HIBCH: variants seen among roughly 807,000 people sequenced by gnomAD.
HIBCH encodes 3-hydroxyisobutyryl-CoA hydrolase, mitochondrial.
A neutral mutation model predicts 58.2 loss-of-function variants in HIBCH; 50 were observed. The ratio of observed to expected loss-of-function variants is 0.86; its 90% confidence interval spans 0.68 to 1.09. The LOEUF (loss-of-function observed/expected upper bound fraction) is 1.09, where lower values mean the gene tolerates loss of function less well. Among genes scored for constraint, HIBCH ranks in the 50% least tolerant of loss-of-function variants. The pLI is 0.00. For synonymous variants in HIBCH, 151 were observed against 146.9 expected (o/e 1.03, Z -0.20); for missense variants, 450 against 449.7 (o/e 1.00, Z -0.01).
At position 190,262,161 on chromosome 2, in the gene HIBCH, G is replaced by GTCAA. The variant is rs555160781; in HGVS notation, c.439-928_439-927insTTGA. On this transcript the variant is annotated intron_variant, in intron 6 of 13. Coordinates refer to ENST00000359678, the MANE Select transcript of HIBCH (RefSeq NM_014362.4). The stretch of plus-strand genomic sequence containing the variant: ...AAAAGCTGGTTTTATATGCGGTAGA[G>GTCAA]ACAAAAAAAAAAAAAAGAAAAGAAA... 5.0e-3 allele frequency among the ~76,000 whole-genome samples: 503 copies of GTCAA among 99,930 alleles called. 2 individuals are homozygous for GTCAA. Among genetic ancestry groups the GTCAA allele is most frequent in the Admixed American group, 0.011 (109 of 10,248 alleles). 65.6% of individuals were successfully genotyped at this position (99,930 alleles called of 152,430 possible). A position where few individuals can be genotyped will look rare whatever the true frequency, so the allele number is the denominator to read the frequency against.
At chr2:190,196,426 C>T (rs957380821) in intron 1 of HIBCH, among the ~76,000 whole-genome samples, 4 of 150,776 alleles carry the variant, frequency 2.7e-5, no homozygotes, top group African/African-American at 7.3e-5. Flanking sequence ...CTCTGAGATT[C>T]TTTTTTTGTT....
downstream of HIBCH, chr2:190,201,180 T>C (rs1690229213): frequency 6.0e-6 from 1 of 167,038 alleles, no homozygotes; most frequent in South Asian, 2.1e-4. Flanking sequence ...ATAGGGCATT[T>C]ATAGCCACCT....
At position 190,211,830 on chromosome 2, in the gene HIBCH, C is replaced by G. The variant is rs1690517516; in HGVS notation, c.1011+1126G>C. Among the ~76,000 whole-genome samples, 1 of 152,196 alleles carries G rather than the reference C, an allele frequency of 6.6e-6. No individual in the cohort carries two copies. The highest frequency in any genetic ancestry group is 6.5e-5 in the Admixed American group (1 of 15,276). On this transcript the variant is annotated intron_variant, in intron 12 of 13. Coordinates refer to ENST00000359678, the MANE Select transcript of HIBCH (RefSeq NM_014362.4). The surrounding 1 kb of genome is among the most constrained non-coding windows in gnomAD (Gnocchi z 5.0). ...CTTATTCAACAATATAAGGCTAACA[C>G]TGAGCACAGTGCCTGGGACATAGCT...
chr2:190,240,785 G>A (rs149836304), intron 11 of HIBCH, among the ~76,000 whole-genome samples: 3,802 of 152,210 alleles, frequency 0.025, 73 homozygotes, highest in Non-Finnish European at 0.04. Context: ...TGTATTGTGC[G>A]GTTTTGAGTG....
intron 11 of HIBCH, among the ~76,000 whole-genome samples, chr2:190,219,467 C>T (rs1425035234): frequency 1.3e-5 from 2 of 152,166 alleles, no homozygotes; most frequent in Non-Finnish European, 2.9e-5. Flanking sequence ...GTTTCTCTCA[C>T]CCGAACCAAA....
At chr2:190,191,225 T>C (rs1395816474) in intron 1 of HIBCH, among the ~76,000 whole-genome samples, 3 of 152,084 alleles carry the variant, frequency 2.0e-5, no homozygotes, top group Non-Finnish European at 4.4e-5. Flanking sequence ...GCAACCTCTG[T>C]TCTGCCTCCT....
chr2:190,235,184 G>A (rs1423401513), intron 11 of HIBCH, among the ~76,000 whole-genome samples: 1 of 152,284 alleles, frequency 6.6e-6, no homozygotes, highest in Admixed American at 6.5e-5. Context: ...GTATTTATTG[G>A]GTAACAAGAG....
intron 7 of HIBCH, 110 bp downstream of exon 7, chr2:190,261,046 G>T: frequency 1.3e-6 from 1 of 793,420 alleles, no homozygotes; most frequent in Non-Finnish European, 2.2e-6. Context: ...TCCTTTCATT[G>T]TTGCATCTCA....
intron 2 of HIBCH, among the ~76,000 whole-genome samples, chr2:190,297,675 C>A (rs1323788465): frequency 1.3e-5 from 2 of 152,142 alleles, no homozygotes; most frequent in East Asian, 3.9e-4. Flanking sequence ...TAATAAAACA[C>A]CTGTAAGGAA....
chr2:190,295,455 T>C (rs1179441280), intron 3 of HIBCH, among the ~76,000 whole-genome samples: 1 of 152,256 alleles, frequency 6.6e-6, no homozygotes, highest in Non-Finnish European at 1.5e-5. Flanking sequence ...TGTTGTGCAC[T>C]TGTATTTTGA....
chr2:190,308,519 T>A (rs1688474583), intron 2 of HIBCH, among the ~76,000 whole-genome samples: 1 of 152,116 alleles, frequency 6.6e-6, no homozygotes, highest in Admixed American at 6.6e-5. Context: ...TGGGTTATTA[T>A]GGGAGTAAGA....
intron 5 of HIBCH, among the ~76,000 whole-genome samples, chr2:190,288,937 C>T (rs1188307438): frequency 2.0e-5 from 3 of 151,986 alleles, no homozygotes; most frequent in Non-Finnish European, 4.4e-5. Context: ...CAGGGTGAAA[C>T]CTGTCTCTAC....
chr2:190,229,856 T>TA lies in HIBCH; in HGVS notation c.891+15030dup, dbSNP rs397781049. The stretch of plus-strand genomic sequence containing the variant: ...CTTATATGGCTGGATTTTTTTTTTT[T>TA]AAGGAAAATCTAAAACAGTCTATCT... On this transcript the variant is annotated intron_variant, in intron 11 of 13. Coordinates refer to ENST00000359678, the MANE Select transcript of HIBCH (RefSeq NM_014362.4). Among the ~76,000 whole-genome samples, 29 of 151,866 alleles carry TA rather than the reference T, an allele frequency of 1.9e-4. 1 individual carries two copies. Among genetic ancestry groups the TA allele is most frequent in the Admixed American group, 1.4e-3 (22 of 15,252 alleles).
chr2:190,245,057 C>A, intron 10 of HIBCH, 89 bp from the exon 11 acceptor site: 1 of 848,560 alleles, frequency 1.2e-6, no homozygotes, highest in Non-Finnish European at 2.0e-6. Flanking sequence ...CTTTCCCCCA[C>A]CTCTGTTTCA....
chr2:190,292,029 C>A (rs1687971524), intron 4 of HIBCH, among the ~76,000 whole-genome samples: 1 of 152,218 alleles, frequency 6.6e-6, no homozygotes, highest in Non-Finnish European at 1.5e-5. Flanking sequence ...GTTGCCCAGG[C>A]TGGAGTACAG....
chr2:190,303,241 C>T (rs538665270), intron 2 of HIBCH, among the ~76,000 whole-genome samples: 13 of 152,028 alleles, frequency 8.6e-5, no homozygotes, highest in Non-Finnish European at 1.6e-4. Context: ...CATACATTAC[C>T]CTAGCTCTAT....
intron 3 of HIBCH, among the ~76,000 whole-genome samples, chr2:190,295,397 A>G (rs959979298): frequency 6.6e-6 from 1 of 152,240 alleles, no homozygotes; most frequent in African/African-American, 2.4e-5. Flanking sequence ...TTATACACAT[A>G]GCCTGAAAGT....
chr2:190,245,099 G>T (rs1226366290), intron 10 of HIBCH, 131 bp from the exon 11 acceptor site: 1 of 690,716 alleles, frequency 1.4e-6, no homozygotes, highest in Non-Finnish European at 2.7e-6. Flanking sequence ...TCTTTAACAG[G>T]ACGTGAAAAG....
Position 190,246,220 on chromosome 2 carries a change from A to G in HIBCH, c.751-8T>C. ...GTCTCGATCAATCTTAGACTGTTTG[A>G]AAAGAAAAATCTTTTAATAAATTTG... On this transcript the variant is annotated splice_polypyrimidine_tract_variant and splice_region_variant and intron_variant, in intron 9 of 13. Transcript: ENST00000359678. 6.5e-7 allele frequency: 1 copy of G among 1,546,286 alleles called. No individual in the cohort carries two copies. Among genetic ancestry groups the G allele is most frequent in the South Asian group, 1.1e-5 (1 of 86,964 alleles).
Sources: allele counts gnomAD v4.1 joint callset (sites outside exome capture counted in the v4.1 genomes callset), GRCh38; gene constraint gnomAD v4.1.1; non-coding constraint Gnocchi (gnomAD v3.1); transcripts MANE v1.5; gene names NCBI Gene and HGNC (gene_info 2026-07-23, HGNC 2026-07-21).